Variants in PLA2G4E observed in about 807,000 individuals in gnomAD.
PLA2G4E encodes the protein cytosolic phospholipase A2 epsilon.
In PLA2G4E, 84 loss-of-function variants were observed where a neutral mutation model predicts 109.1. That is an observed-to-expected ratio of 0.77 (90% CI 0.65 to 0.92). The LOEUF is 0.92. PLA2G4E is among the 40% of genes least tolerant of loss of function. The pLI, the probability that PLA2G4E is intolerant of heterozygous loss-of-function variation, is 0.00. For synonymous variants in PLA2G4E, 469 were observed against 436.1 expected (o/e 1.08, Z -0.94); for missense variants, 1,057 against 1,076.6 (o/e 0.98, Z 0.25).
At chr15:42,040,561 T>C (rs772938076) in intron 1 of PLA2G4E, among the ~76,000 whole-genome samples, 1 of 152,252 alleles carries the variant, frequency 6.6e-6, no homozygotes, top group Non-Finnish European at 1.5e-5. Context: ...GGTTTCTCTA[T>C]GTCAAAACAC....
At chr15:41,983,073 G>A (rs2068084008) in exon 20 of PLA2G4E, 1 of 152,364 alleles carries the variant, frequency 6.6e-6, no homozygotes, top group African/African-American at 2.4e-5. Context: ...GATCACCTGA[G>A]GTCAGGAGTT....
chr15:41,985,935 C>T (rs758914531), exon 18 of PLA2G4E: 36 of 1,606,814 alleles, frequency 2.2e-5, no homozygotes, highest in Non-Finnish European at 2.5e-5. Flanking sequence ...TGACAAAGAA[C>T]GCAGTGTCCA....
At chr15:42,017,031 G>C (rs569947830) in intron 1 of PLA2G4E, among the ~76,000 whole-genome samples, 1 of 152,352 alleles carries the variant, frequency 6.6e-6, no homozygotes, top group African/African-American at 2.4e-5. Flanking sequence ...CTTTCACCAG[G>C]CAAGCAGTTT....
At chr15:41,987,085 C>G in intron 17 of PLA2G4E, 87 bp downstream of exon 17, 9 of 1,386,036 alleles carry the variant, frequency 6.5e-6, no homozygotes, top group Non-Finnish European at 3.0e-6. Flanking sequence ...GAGAAGTTTT[C>G]TTATTCTTTA....
intron 1 of PLA2G4E, among the ~76,000 whole-genome samples, chr15:42,031,810 GT>G (rs1036283273): frequency 6.6e-6 from 1 of 152,140 alleles, no homozygotes; most frequent in Admixed American, 6.5e-5. Context: ...GCAAGGCTGG[GT>G]TTCTCCTAGT....
chr15:42,010,819 G>C (rs2068528407), intron 2 of PLA2G4E, among the ~76,000 whole-genome samples: 1 of 151,862 alleles, frequency 6.6e-6, no homozygotes, highest in Non-Finnish European at 1.5e-5. Flanking sequence ...CCTGGCCCAA[G>C]GCTCTTTCAG....
chr15:42,010,142 C>CCCCGCG lies in PLA2G4E; in HGVS notation c.257-2278_257-2277insCGCGGG. ...TTTTCCAGAACACTGGCCCCCCCAC[C>CCCCGCG]CCGGGCCTGGACCACACCCTTCAGG... On this transcript the variant is annotated intron_variant, in intron 2 of 19. Transcript: ENST00000399518. 6.6e-6 allele frequency: 3 copies of CCCCGCG among 454,254 alleles called. 1 individual carries two copies. Among genetic ancestry groups the CCCCGCG allele is most frequent in the South Asian group, 5.7e-5 (3 of 52,644 alleles). The allele number at this position is 454,254 out of a possible 1,614,324, so 28.1% of individuals were successfully genotyped here. A position where few individuals can be genotyped will look rare whatever the true frequency, so the allele number is the denominator to read the frequency against.
chr15:42,024,608 A>C, intron 1 of PLA2G4E, among the ~76,000 whole-genome samples: 1 of 151,756 alleles, frequency 6.6e-6, no homozygotes, highest in Non-Finnish European at 1.5e-5. Flanking sequence ...AGCAAGGATG[A>C]CTCCTCACTG....
At chr15:42,032,275 G>C (rs1318840424) in intron 1 of PLA2G4E, among the ~76,000 whole-genome samples, 2 of 152,162 alleles carry the variant, frequency 1.3e-5, no homozygotes, top group African/African-American at 2.4e-5. Flanking sequence ...CCATTCACTG[G>C]TGCTCTATGT....
intron 1 of PLA2G4E, among the ~76,000 whole-genome samples, chr15:42,043,584 A>C (rs2677757): frequency 0.2 from 26,743 of 133,508 alleles, 2,678 homozygotes; most frequent in South Asian, 0.34. Context: ...AAAAAAAAAA[A>C]CAACCACAAA....
intron 13 of PLA2G4E, among the ~76,000 whole-genome samples, chr15:41,991,503 G>T (rs995669235): frequency 6.6e-6 from 1 of 150,764 alleles, no homozygotes. Context: ...GTTAAGTGGT[G>T]GGTTATCACA....
chr15:42,017,432 C>T (rs1304728400), intron 1 of PLA2G4E, among the ~76,000 whole-genome samples: 4 of 152,242 alleles, frequency 2.6e-5, no homozygotes, highest in Non-Finnish European at 5.9e-5. Context: ...CAGCCATGCG[C>T]AGGTGCCATG....
chr15:42,037,790 A>T (rs1889244512), intron 1 of PLA2G4E, among the ~76,000 whole-genome samples: 1 of 152,166 alleles, frequency 6.6e-6, no homozygotes, highest in Non-Finnish European at 1.5e-5. Flanking sequence ...GCACCACCAC[A>T]TTCCCTGGAG....
At chr15:42,005,243 A>G (rs2068463474) in intron 4 of PLA2G4E, among the ~76,000 whole-genome samples, 2 of 152,146 alleles carry the variant, frequency 1.3e-5, no homozygotes, top group African/African-American at 4.8e-5. Flanking sequence ...GCCCGAGAGC[A>G]TCTCCTTTCT....
At chr15:41,993,457 C>T (rs181506452) in intron 12 of PLA2G4E, among the ~76,000 whole-genome samples, 167 of 152,270 alleles carry the variant, frequency 1.1e-3, no homozygotes, top group African/African-American at 3.8e-3. Flanking sequence ...AACCCAGGCT[C>T]GACTGATTAC....
At chr15:42,020,153 G>A (rs2141064388) in intron 1 of PLA2G4E, among the ~76,000 whole-genome samples, 1 of 152,302 alleles carries the variant, frequency 6.6e-6, no homozygotes, top group South Asian at 2.1e-4. Context: ...GACTGAACAG[G>A]GTCTTCATCT....
chr15:41,999,412 G>A, intron 10 of PLA2G4E, 112 bp downstream of exon 10: 1 of 778,918 alleles, frequency 1.3e-6, no homozygotes. Context: ...ATGGAAAGAT[G>A]TTCAACATCA....
chr15:42,009,598 C>A lies in PLA2G4E; in HGVS notation c.257-1733G>T, dbSNP rs188866348. 3.4e-3 allele frequency among the ~76,000 whole-genome samples: 514 copies of A among 152,302 alleles called. 1 individual carries two copies. The highest frequency in any genetic ancestry group is 0.012 in the African/African-American group (485 of 41,562). The stretch of plus-strand genomic sequence containing the variant: ...CACTTCCCCAGCCTCAGTCTCATCT[C>A]TCCACCCTCCCTAATACCCCACCCC... On this transcript the variant is annotated intron_variant, in intron 2 of 19. Transcript: ENST00000399518.
At chr15:42,018,772 C>G (rs1181725633) in intron 1 of PLA2G4E, among the ~76,000 whole-genome samples, 1 of 152,160 alleles carries the variant, frequency 6.6e-6, no homozygotes, top group Non-Finnish European at 1.5e-5. Flanking sequence ...TCCACTGCCC[C>G]CTGGGGACCT....
Sources: gnomAD v4.1 joint callset for allele counts (sites outside exome capture counted in the v4.1 genomes callset) on GRCh38, gnomAD v4.1.1 for gene constraint, MANE v1.5 for transcripts, NCBI Gene and HGNC (gene_info 2026-07-23, HGNC 2026-07-21) for gene names.